ITGA9: variants seen among roughly 807,000 people sequenced by gnomAD.
ITGA9 encodes the protein integrin alpha-9.
A neutral mutation model predicts 127.8 loss-of-function variants in ITGA9; 56 were observed. The ratio of observed to expected loss-of-function variants is 0.44; its 90% CI spans 0.35 to 0.55. The LOEUF (loss-of-function observed/expected upper bound fraction) is 0.55. ITGA9 is among the 20% of genes least tolerant of loss of function. The probability of loss-of-function intolerance (pLI) is 0.00; values close to 1 mark genes in which losing one functional copy is unlikely to be tolerated. For synonymous variants in ITGA9, 508 were observed against 514.5 expected (o/e 0.99, Z 0.17); for missense variants, 1,196 against 1,347.1 (o/e 0.89, Z 1.76).
chr3:37,610,910 A>G (rs1350067912), intron 15 of ITGA9, among the ~76,000 whole-genome samples: 2 of 152,204 alleles, frequency 1.3e-5, no homozygotes, highest in Non-Finnish European at 2.9e-5. Flanking sequence ...GATAGGTATG[A>G]CACCATTTCT....
chr3:37,620,341 T>C (rs1017535215), intron 15 of ITGA9, among the ~76,000 whole-genome samples: 1 of 152,106 alleles, frequency 6.6e-6, no homozygotes, highest in Non-Finnish European at 1.5e-5. Flanking sequence ...TCCAGCCTGC[T>C]CTCCTTCCCT....
intron 5 of ITGA9, among the ~76,000 whole-genome samples, chr3:37,495,836 C>G (rs1559520420): frequency 6.6e-6 from 1 of 152,234 alleles, no homozygotes; most frequent in Non-Finnish European, 1.5e-5. Context: ...CCATTCTGAC[C>G]TGTGAAGTGT....
At chr3:37,490,610 G>A (rs1579060620) in intron 4 of ITGA9, among the ~76,000 whole-genome samples, 2 of 152,214 alleles carry the variant, frequency 1.3e-5, no homozygotes, top group Admixed American at 6.5e-5. Flanking sequence ...TGGTCTTTTG[G>A]AAAGGGTACA....
intron 1 of ITGA9, among the ~76,000 whole-genome samples, chr3:37,458,702 A>G (rs1323094634): frequency 6.6e-6 from 1 of 152,232 alleles, no homozygotes; most frequent in Non-Finnish European, 1.5e-5. Context: ...CTTGGCCTGC[A>G]GTGTGGCTGG....
At chr3:37,580,965 T>G (rs1445854837) in intron 15 of ITGA9, among the ~76,000 whole-genome samples, 1 of 152,210 alleles carries the variant, frequency 6.6e-6, no homozygotes, top group African/African-American at 2.4e-5. Flanking sequence ...TTGAGGTTAA[T>G]TCCTGCTTCA....
At chr3:37,501,607 A>G (rs1698787870) in intron 5 of ITGA9, among the ~76,000 whole-genome samples, 1 of 152,046 alleles carries the variant, frequency 6.6e-6, no homozygotes, top group African/African-American at 2.4e-5. Flanking sequence ...TACTCCAGGT[A>G]CCCACTGATC....
intron 18 of ITGA9, among the ~76,000 whole-genome samples, chr3:37,695,872 G>C (rs1345896716): frequency 6.6e-6 from 1 of 152,218 alleles, no homozygotes; most frequent in Non-Finnish European, 1.5e-5. Flanking sequence ...TTCAGGGCTA[G>C]TATGCACCTG....
At chr3:37,742,220 A>T (rs974726501) in intron 21 of ITGA9, among the ~76,000 whole-genome samples, 80 of 152,308 alleles carry the variant, frequency 5.3e-4, no homozygotes, top group Admixed American at 9.1e-4. Flanking sequence ...TTATCACCAG[A>T]TGTGTCTCCA....
Position 37,736,990 on chromosome 3 carries a change from G to T in ITGA9, c.2234+7G>T, listed in dbSNP as rs1118148. 5.0e-6 allele frequency: 8 copies of T among 1,589,876 alleles called. No homozygotes were observed. In the African/African-American group the frequency reaches 5.4e-5, roughly 11 times the overall value. On this transcript the variant is annotated splice_region_variant and intron_variant, in intron 20 of 27. Transcript: ENST00000264741. ...TCATTGTTACTGCTCAGAGGTAAGG[G>T]GGGGGTTTAAACACTTTTTTCAAAG...
chr3:37,660,109 G>A (rs1700519279), intron 17 of ITGA9, among the ~76,000 whole-genome samples: 2 of 152,038 alleles, frequency 1.3e-5, no homozygotes, highest in Non-Finnish European at 2.9e-5. Context: ...GTTTTGCCAA[G>A]CTTACAAAAT....
At chr3:37,545,368 C>T (rs980281920) in intron 15 of ITGA9, among the ~76,000 whole-genome samples, 2 of 151,732 alleles carry the variant, frequency 1.3e-5, no homozygotes, top group Non-Finnish European at 2.9e-5. Flanking sequence ...CTATTCCAAT[C>T]TTTTTTTTTC....
intron 1 of ITGA9, among the ~76,000 whole-genome samples, chr3:37,460,965 T>G (rs566019043): frequency 6.6e-6 from 1 of 152,256 alleles, no homozygotes; most frequent in Admixed American, 6.5e-5. Flanking sequence ...GTTGGTGTGT[T>G]AAGGCCACCT....
intron 8 of ITGA9, among the ~76,000 whole-genome samples, chr3:37,512,233 C>A (rs2125576636): frequency 8.0e-6 from 1 of 124,802 alleles, no homozygotes; most frequent in Non-Finnish European, 1.7e-5. Flanking sequence ...TCTTTCTTTT[C>A]TTTCTTGACA....
At chr3:37,516,411 A>G (rs571117002) in intron 9 of ITGA9, among the ~76,000 whole-genome samples, 3 of 152,192 alleles carry the variant, frequency 2.0e-5, no homozygotes, top group African/African-American at 7.2e-5. Flanking sequence ...TGGTGGCCCA[A>G]TTTCCTCATC....
chr3:37,466,338 C>T (rs1283736759), intron 1 of ITGA9, among the ~76,000 whole-genome samples: 16 of 151,666 alleles, frequency 1.1e-4, no homozygotes, highest in Admixed American at 9.2e-4. Context: ...TAAAAATTAG[C>T]GGGGCGTGGT....
intron 18 of ITGA9, among the ~76,000 whole-genome samples, chr3:37,684,678 A>T (rs997466078): frequency 2.6e-5 from 4 of 152,178 alleles, no homozygotes; most frequent in African/African-American, 9.7e-5. Context: ...CATGTTGGCC[A>T]GGCTGGTCTG....
intron 23 of ITGA9, among the ~76,000 whole-genome samples, chr3:37,770,192 G>C: frequency 6.6e-6 from 1 of 152,316 alleles, no homozygotes; most frequent in East Asian, 1.9e-4. Flanking sequence ...TCTGAGAGCA[G>C]TACCCTCCAC....
chr3:37,692,487 A>C (rs1700843120), intron 18 of ITGA9, among the ~76,000 whole-genome samples: 1 of 151,940 alleles, frequency 6.6e-6, no homozygotes. Context: ...TAAACTGAAC[A>C]TTTTTTAATT....
intron 9 of ITGA9, among the ~76,000 whole-genome samples, chr3:37,516,489 T>C (rs1698984586): frequency 6.6e-6 from 1 of 150,904 alleles, no homozygotes; most frequent in Admixed American, 6.6e-5. Context: ...AGGAGCTGGC[T>C]GTACAGTACC....
Sources: gnomAD v4.1 joint callset for allele counts (sites outside exome capture counted in the v4.1 genomes callset) on GRCh38, gnomAD v4.1.1 for gene constraint, MANE v1.5 for transcripts, NCBI Gene and HGNC (gene_info 2026-07-23, HGNC 2026-07-21) for gene names.